WDFY1: variants seen among roughly 807,000 people sequenced by gnomAD.
WDFY1 encodes the protein WD repeat and FYVE domain containing 1.
WDFY1 carries 32 observed loss-of-function variants against 56.4 expected under a neutral mutation model. The observed-to-expected ratio is 0.57, with a 90% CI of 0.43 to 0.76. The LOEUF (loss-of-function observed/expected upper bound fraction) is 0.76. Among genes scored for constraint, WDFY1 ranks in the 30% least tolerant of loss-of-function variants. WDFY1 has a pLI of 0.00. For synonymous variants in WDFY1, 192 were observed against 197.3 expected, an observed-to-expected ratio of 0.97 and a Z score of 0.23; for missense variants, 480 against 545.7, an observed-to-expected ratio of 0.88 and a Z score of 1.20.
intron 2 of WDFY1, among the ~76,000 whole-genome samples, chr2:223,916,301 G>A (rs1240463711): frequency 1.3e-5 from 2 of 152,190 alleles, no homozygotes; most frequent in Non-Finnish European, 2.9e-5. Context: ...TGCTACCAGA[G>A]GAGAGAGGTG....
chr2:223,915,186 T>C (rs1044049518), intron 2 of WDFY1, among the ~76,000 whole-genome samples: 10 of 152,246 alleles, frequency 6.6e-5, no homozygotes, highest in African/African-American at 2.4e-4. Flanking sequence ...CAGGTCCAAA[T>C]AGAAGCAATA....
At chr2:223,897,381 TA>T (rs58938317) in intron 6 of WDFY1, among the ~76,000 whole-genome samples, 2,119 of 56,352 alleles carry the variant, frequency 0.038, 152 homozygotes, top group African/African-American at 0.17. Flanking sequence ...TATATATATA[TA>T]TATATATATT....
intron 9 of WDFY1, among the ~76,000 whole-genome samples, chr2:223,884,095 A>T (rs1693129258): frequency 6.6e-6 from 1 of 150,526 alleles, no homozygotes; most frequent in Admixed American, 6.6e-5. Context: ...CTTTAACAGC[A>T]CCTTTAAAAT....
At chr2:223,921,149 C>G (rs1450889135) in intron 1 of WDFY1, among the ~76,000 whole-genome samples, 2 of 152,142 alleles carry the variant, frequency 1.3e-5, no homozygotes, top group Admixed American at 6.5e-5. Context: ...TTGTTAGAAC[C>G]TGTCCAACTC....
At chr2:223,936,597 G>A (rs1360626160) in intron 1 of WDFY1, among the ~76,000 whole-genome samples, 1 of 152,200 alleles carries the variant, frequency 6.6e-6, no homozygotes, top group Non-Finnish European at 1.5e-5. Context: ...TCCCACAGCA[G>A]GCCTGCTGCT....
In WDFY1 at chr2:223,882,023, T is replaced by C; in HGVS notation, c.983A>G (p.Lys328Arg). 6.2e-7 allele frequency: 1 copy of C among 1,614,086 alleles called. No homozygotes were observed. The highest frequency in any genetic ancestry group is 1.1e-5 in the South Asian group (1 of 91,086). Residue 328 changes from lysine (K) to arginine (R), a missense_variant, in exon 10 of 12, where the codon AAG becomes AGG. By Grantham distance (26) the Lys-to-Arg change is conservative (BLOSUM62 2). Coordinates refer to ENST00000233055, the MANE Select transcript of WDFY1 (RefSeq NM_020830.5). ...GCCCATGACTGGGTAACTTGAGCGC[T>C]TGCTGCTGCACTTCCCGCAGACAGC... is the stretch of plus-strand genomic sequence containing the variant. ...GQAVCGKCSSKRSSYPVMGFE... is the reference protein window; with the variant it reads ...GQAVCGKCSSRRSSYPVMGFE...
intron 2 of WDFY1, among the ~76,000 whole-genome samples, chr2:223,916,169 C>T (rs1359199023): frequency 6.6e-6 from 1 of 152,188 alleles, no homozygotes; most frequent in African/African-American, 2.4e-5. Context: ...GCTGGCCAGC[C>T]TGCCCAGGCT....
At chr2:223,943,338 GC>G (rs2106108093) in intron 1 of WDFY1, among the ~76,000 whole-genome samples, 1 of 152,202 alleles carries the variant, frequency 6.6e-6, no homozygotes, top group South Asian at 2.1e-4. Context: ...TTGGAAGTCA[GC>G]TACAGGTGAA....
At chr2:223,880,658 T>C (rs1346838363) in intron 10 of WDFY1, among the ~76,000 whole-genome samples, 1 of 151,820 alleles carries the variant, frequency 6.6e-6, no homozygotes, top group Non-Finnish European at 1.5e-5. Context: ...TGTTAAAATT[T>C]GCTCCTAAAA....
chr2:223,920,544 G>C (rs954289350), intron 1 of WDFY1, among the ~76,000 whole-genome samples: 1 of 152,218 alleles, frequency 6.6e-6, no homozygotes, highest in South Asian at 2.1e-4. Flanking sequence ...GAACAGGGTG[G>C]AACCTGCACA....
At chr2:223,912,393 TAA>T (rs1693720014) in intron 2 of WDFY1, 67 bp from the exon 3 acceptor site, 22 of 1,365,740 alleles carry the variant, frequency 1.6e-5, no homozygotes, top group East Asian at 2.4e-5. Context: ...TCAAAGTGAT[TAA>T]GAACTATATG....
chr2:223,899,213 C>A (rs1693459322), intron 5 of WDFY1, 143 bp from the exon 6 acceptor site: 5 of 591,190 alleles, frequency 8.5e-6, no homozygotes, highest in South Asian at 7.1e-5. Flanking sequence ...AAAACTATAA[C>A]AAGAAAGGAA....
chr2:223,906,036 A>T, intron 3 of WDFY1, 35 bp from the exon 4 acceptor site: 2 of 1,471,476 alleles, frequency 1.4e-6, no homozygotes, highest in Non-Finnish European at 1.8e-6. Flanking sequence ...AAATTAAAAG[A>T]GTTATGGTTT....
intron 1 of WDFY1, among the ~76,000 whole-genome samples, chr2:223,926,821 C>T (rs1020602762): frequency 6.6e-5 from 10 of 152,178 alleles, no homozygotes. Context: ...ATGTGCAAAA[C>T]TGTGCCTGGC....
chr2:223,882,498 A>G (rs1422984770), intron 9 of WDFY1, among the ~76,000 whole-genome samples: 1 of 152,166 alleles, frequency 6.6e-6, no homozygotes, highest in South Asian at 2.1e-4. Flanking sequence ...AATCACCCCA[A>G]TTCAATGTAT....
At chr2:223,911,069 A>T (rs1260763460) in intron 3 of WDFY1, among the ~76,000 whole-genome samples, 1 of 152,258 alleles carries the variant, frequency 6.6e-6, no homozygotes, top group East Asian at 1.9e-4. Context: ...ATGCTATTCC[A>T]CTGCAAAAAT....
rs867635915 is a variant in WDFY1 at position 223,907,710 on chromosome 2, G to A, written c.280-1709C>T. ...TATAAAATTTTCTGAAAGCTAAAAC[G>A]GAGAGCTTCAGCATTCACTACTGTG... is the stretch of plus-strand genomic sequence containing the variant. On this transcript the variant is annotated intron_variant, in intron 3 of 11. Coordinates refer to ENST00000233055, the MANE Select transcript of WDFY1 (RefSeq NM_020830.5). 2.6e-5 allele frequency among the ~76,000 whole-genome samples: 4 copies of A among 152,248 alleles called. No homozygotes were observed. In the East Asian group the frequency reaches 5.8e-4, roughly 22 times the overall value.
chr2:223,888,286 C>A (rs1415662994), intron 8 of WDFY1, among the ~76,000 whole-genome samples: 6 of 152,000 alleles, frequency 3.9e-5, no homozygotes, highest in Non-Finnish European at 5.9e-5. Context: ...GCTGCTCAGG[C>A]TGAACTCCTG....
At chr2:223,879,444 C>T (rs1041355482) in intron 11 of WDFY1, among the ~76,000 whole-genome samples, 2 of 151,838 alleles carry the variant, frequency 1.3e-5, no homozygotes, top group Admixed American at 6.6e-5. Context: ...TCGCTTGAGC[C>T]GAGGAGTTTG....
Sources: gnomAD v4.1 joint callset for allele counts (sites outside exome capture counted in the v4.1 genomes callset) on GRCh38, gnomAD v4.1.1 for gene constraint, MANE v1.5 for transcripts, NCBI Gene and HGNC (gene_info 2026-07-23, HGNC 2026-07-21) for gene names.